The following SNTG1 variants were observed in gnomAD, a reference collection of about 807,000 sequenced individuals.
The protein encoded by SNTG1 is syntrophin gamma 1.
Under a neutral mutation model 74.7 loss-of-function variants are expected in SNTG1, and 39 were observed. The ratio of observed to expected loss-of-function variants is 0.52; its 90% CI spans 0.40 to 0.68. The LOEUF (loss-of-function observed/expected upper bound fraction) is 0.68, where lower values mean the gene tolerates loss of function less well. Among genes scored for constraint, SNTG1 ranks in the 30% least tolerant of loss-of-function variants. The pLI is 0.00. For missense variants in SNTG1, 685 were observed against 609.5 expected (o/e 1.12, Z -1.30); for synonymous variants, 254 against 217.1 (o/e 1.17, Z -1.49).
intron 1 of SNTG1, among the ~76,000 whole-genome samples, chr8:50,055,431 A>G (rs1045977677): frequency 1.3e-5 from 2 of 152,116 alleles, no homozygotes; most frequent in African/African-American, 4.8e-5. Flanking sequence ...TTTTCAATGA[A>G]CTTTAAAAAA....
At chr8:50,120,165 G>A (rs1414705868) in intron 1 of SNTG1, among the ~76,000 whole-genome samples, 2 of 140,888 alleles carry the variant, frequency 1.4e-5, no homozygotes, top group Admixed American at 7.4e-5. Context: ...ACCTTTTTGG[G>A]TTATTGTAAG....
rs527349965 is a variant in SNTG1, at chr8:50,313,548, G to T, written c.-27-80664G>T. The stretch of plus-strand genomic sequence containing the variant: ...GACATACAAATGGCCAAAAATAAAA[G>T]AAAAAATGTGCAACATCGTTAATCA... On this transcript the variant is annotated intron_variant, in intron 2 of 18. Coordinates refer to ENST00000642720, the MANE Select transcript of SNTG1 (RefSeq NM_018967.5). Among the ~76,000 whole-genome samples the T allele has an allele frequency of 1.8e-4, 27 of 149,586 alleles. 6 individuals are homozygous for T. Among genetic ancestry groups the T allele is most frequent in the African/African-American group, 6.5e-4 (26 of 40,146 alleles).
chr8:50,040,543 G>A (rs1302934553), intron 1 of SNTG1, among the ~76,000 whole-genome samples: 1 of 151,972 alleles, frequency 6.6e-6, no homozygotes, highest in East Asian at 1.9e-4. Context: ...GCCAATGCAG[G>A]GATTATTAAG....
chr8:50,111,111 C>T (rs4873405), intron 1 of SNTG1, among the ~76,000 whole-genome samples: 49,374 of 152,006 alleles, frequency 0.32, 9,901 homozygotes, highest in African/African-American at 0.57. Context: ...TACAACTCTA[C>T]TCATTGCAAC....
At chr8:50,376,423 G>T (rs982802062) in intron 2 of SNTG1, among the ~76,000 whole-genome samples, 2 of 151,642 alleles carry the variant, frequency 1.3e-5, no homozygotes, top group African/African-American at 4.8e-5. Context: ...TAATAATTTT[G>T]TGAAAAAAAA....
chr8:50,135,385 C>A (rs2081440227), intron 1 of SNTG1, among the ~76,000 whole-genome samples: 1 of 151,988 alleles, frequency 6.6e-6, no homozygotes, highest in Non-Finnish European at 1.5e-5. Context: ...GAATTGTAGT[C>A]TTCTTTCATA....
intron 2 of SNTG1, among the ~76,000 whole-genome samples, chr8:50,210,825 C>A (rs900319684): frequency 9.9e-5 from 15 of 152,132 alleles, no homozygotes; most frequent in Admixed American, 7.9e-4. Flanking sequence ...AAACATAATT[C>A]ATGTTATGAT....
At chr8:50,778,865 T>G (rs548684436) in intron 18 of SNTG1, among the ~76,000 whole-genome samples, 60 of 152,254 alleles carry the variant, frequency 3.9e-4, no homozygotes, top group Middle Eastern at 3.4e-3. Flanking sequence ...TAATCCATCT[T>G]GAATTAATTT....
intron 1 of SNTG1, among the ~76,000 whole-genome samples, chr8:49,965,518 G>A (rs1811058333): frequency 6.6e-6 from 1 of 152,144 alleles, no homozygotes; most frequent in Non-Finnish European, 1.5e-5. Flanking sequence ...GGGCTTATGA[G>A]TGGAAGCTCA....
chr8:50,412,884 G>A (rs941693041), intron 4 of SNTG1, among the ~76,000 whole-genome samples: 16 of 152,190 alleles, frequency 1.1e-4, no homozygotes, highest in Non-Finnish European at 1.6e-4. Context: ...AAGTGTATTG[G>A]TGGGTTGTGG....
At chr8:49,973,961 T>G (rs538232169) in intron 1 of SNTG1, among the ~76,000 whole-genome samples, 4 of 152,194 alleles carry the variant, frequency 2.6e-5, no homozygotes, top group African/African-American at 7.2e-5. Flanking sequence ...GGAAATCATA[T>G]AAATATTTTA....
intron 15 of SNTG1, among the ~76,000 whole-genome samples, chr8:50,682,766 A>G (rs1007720088): frequency 6.6e-6 from 1 of 152,126 alleles, no homozygotes; most frequent in Non-Finnish European, 1.5e-5. Context: ...GGCATGCCCT[A>G]TCTGCTCTAG....
rs112431754 is a variant in SNTG1, at chr8:50,329,655, A to G, written c.-27-64557A>G. ...GGTCCTGGGCCTGGTCCACAAAATCATTTTTCCTCCTAGACTTCCATGCCT... is the reference window on the plus strand; with the variant it reads ...GGTCCTGGGCCTGGTCCACAAAATCGTTTTTCCTCCTAGACTTCCATGCCT... On this transcript the variant is annotated intron_variant, in intron 2 of 18. Coordinates refer to ENST00000642720, the MANE Select transcript of SNTG1 (RefSeq NM_018967.5). Among the ~76,000 whole-genome samples, 918 of 151,872 alleles carry G rather than the reference A, an allele frequency of 6.0e-3. 7 individuals carry two copies. The highest frequency in any genetic ancestry group is 0.021 in the African/African-American group (860 of 41,414).
rs75637462 is a variant in SNTG1, at chr8:50,036,998, T to A, written c.-103+124767T>A. 5.7e-4 allele frequency among the ~76,000 whole-genome samples: 87 copies of A among 152,154 alleles called. 2 individuals carry two copies. The East Asian group carries it at 0.016, about 28-fold the overall frequency. ...TCTCTGTAAATTTCAATAATATGAG[T>A]TCATCATATTTAATGCTTCTTCATT... On this transcript the variant is annotated intron_variant, in intron 1 of 18. Coordinates refer to ENST00000642720, the MANE Select transcript of SNTG1 (RefSeq NM_018967.5).
At chr8:50,717,737 G>A (rs1176931090) in intron 17 of SNTG1, among the ~76,000 whole-genome samples, 1 of 152,098 alleles carries the variant, frequency 6.6e-6, no homozygotes, top group Non-Finnish European at 1.5e-5. Context: ...TTTTCTCCCA[G>A]GCTTATGGTA....
intron 5 of SNTG1, among the ~76,000 whole-genome samples, chr8:50,447,861 G>A (rs577067126): frequency 6.6e-6 from 1 of 152,298 alleles, no homozygotes; most frequent in South Asian, 2.1e-4. Context: ...TAAATATTAA[G>A]GGTCTTAGAA....
At chr8:49,976,815 A>G (rs1299660148) in intron 1 of SNTG1, among the ~76,000 whole-genome samples, 1 of 152,078 alleles carries the variant, frequency 6.6e-6, no homozygotes, top group African/African-American at 2.4e-5. Context: ...TCTGGGTACA[A>G]TGGGAAGCCA....
chr8:50,633,465 A>G (rs1165240355), intron 13 of SNTG1, among the ~76,000 whole-genome samples: 1 of 152,176 alleles, frequency 6.6e-6, no homozygotes, highest in Non-Finnish European at 1.5e-5. Flanking sequence ...GAGATGAGAG[A>G]ACAGGTGCAT....
intron 1 of SNTG1, among the ~76,000 whole-genome samples, chr8:49,958,000 C>T (rs1354827585): frequency 6.6e-6 from 1 of 152,058 alleles, no homozygotes; most frequent in Non-Finnish European, 1.5e-5. Context: ...AGATTAGAGT[C>T]TAGCTCTTAA....
Sources: gnomAD v4.1 joint callset for allele counts (sites outside exome capture counted in the v4.1 genomes callset) on GRCh38, gnomAD v4.1.1 for gene constraint, MANE v1.5 for transcripts, NCBI Gene and HGNC (gene_info 2026-07-23, HGNC 2026-07-21) for gene names.